The following DNAI3 variants were observed in gnomAD, a reference collection of about 807,000 sequenced individuals.
The protein encoded by DNAI3 is WD repeat domain 63.
In DNAI3, 83 loss-of-function variants were observed where a neutral mutation model predicts 115.5. The ratio of observed to expected loss-of-function variants is 0.72; its 90% CI spans 0.60 to 0.86. The LOEUF is 0.86. DNAI3 is among the 40% of genes least tolerant of loss of function. The pLI is 0.00. For missense variants in DNAI3, 1,004 were observed against 1,075.8 expected (o/e 0.93, Z 0.93); for synonymous variants, 320 against 347.0 (o/e 0.92, Z 0.86).
chr1:85,132,213 G>A (rs758577383), intron 22 of DNAI3, among the ~76,000 whole-genome samples: 1 of 152,214 alleles, frequency 6.6e-6, no homozygotes, highest in African/African-American at 2.4e-5. Flanking sequence ...AATATTTACA[G>A]CACTTAGCCA....
chr1:85,093,489 A>G lies in DNAI3; in HGVS notation c.889A>G (p.Met297Val), dbSNP rs1232455180. Residue 297 changes from methionine (M) to valine (V), a missense_variant, in exon 9 of 23, where the codon ATG becomes GTG. Met to Val is a conservative substitution (Grantham distance 21). Around this residue, in one of 3 missense-constraint regions of DNAI3, gnomAD observed 550 missense variants for 568.1 expected, o/e 0.97. Transcript: ENST00000294664. ...AATAGCCCTGCAGCAAAATGAAATC[A>G]TGAACACATTTATTGATGACTGGAA... is the stretch of plus-strand genomic sequence containing the variant. ...VEIALQQNEI[M>V]NTFIDDWKYL... 1 of 1,614,054 alleles carries G rather than the reference A, an allele frequency of 6.2e-7. No individual in the cohort carries two copies. Among genetic ancestry groups the G allele is most frequent in the Non-Finnish European group, 8.5e-7 (1 of 1,180,040 alleles).
intron 14 of DNAI3, 74 bp downstream of exon 14, chr1:85,104,671 T>G (rs1358223158): frequency 1.7e-6 from 2 of 1,164,316 alleles, no homozygotes; most frequent in Non-Finnish European, 2.6e-6. Flanking sequence ...CTAAAATCAG[T>G]GTCTTCTTCT....
At chr1:85,080,025 GTTTCTTTTCTTTTTCTT>G (rs1654581519) in intron 3 of DNAI3, among the ~76,000 whole-genome samples, 1 of 147,830 alleles carries the variant, frequency 6.8e-6, no homozygotes, top group African/African-American at 2.5e-5. Flanking sequence ...TCAAGGGAAA[GTTTCTTTTCTTTTTCTT>G]TTTCTTTTTT....
At chr1:85,066,216 C>T (rs1006144164) in intron 1 of DNAI3, among the ~76,000 whole-genome samples, 8 of 151,278 alleles carry the variant, frequency 5.3e-5, no homozygotes, top group African/African-American at 1.9e-4. Flanking sequence ...TTTTGAAATA[C>T]ACTCAGCTCT....
intron 13 of DNAI3, 123 bp from the exon 14 acceptor site, chr1:85,104,401 G>T (rs1245955098): frequency 1.3e-6 from 1 of 745,590 alleles, no homozygotes; most frequent in Non-Finnish European, 2.2e-6. Flanking sequence ...GATTACAGGC[G>T]TGAGCCACTG....
At chr1:85,093,326 T>G (rs1339750110) in intron 8 of DNAI3, 132 bp from the exon 9 acceptor site, 4 of 876,610 alleles carry the variant, frequency 4.6e-6, no homozygotes, top group Non-Finnish European at 6.8e-6. Context: ...GGTTAATCAT[T>G]ATCACCAAAT....
intron 17 of DNAI3, among the ~76,000 whole-genome samples, chr1:85,119,524 C>G (rs1381728980): frequency 6.6e-6 from 1 of 152,166 alleles, no homozygotes; most frequent in African/African-American, 2.4e-5. Context: ...GATCTTAAAG[C>G]AGAAATTAAA....
intron 7 of DNAI3, among the ~76,000 whole-genome samples, chr1:85,086,357 C>T (rs1277273109): frequency 2.0e-5 from 3 of 152,208 alleles, no homozygotes; most frequent in African/African-American, 7.2e-5. Context: ...CTACCTAAGT[C>T]ATCATTCTTA....
intron 19 of DNAI3, among the ~76,000 whole-genome samples, chr1:85,126,137 A>G (rs932698059): frequency 4.6e-5 from 7 of 152,252 alleles, no homozygotes; most frequent in Non-Finnish European, 8.8e-5. Flanking sequence ...CAGATATCTG[A>G]TAGCAAAATA....
Position 85,130,059 on chromosome 1 carries a change from A to T in DNAI3, c.2479A>T (p.Ile827Phe). The change falls in exon 22 of 23, where the codon ATT becomes TTT. Residue 827 changes from isoleucine to phenylalanine, a missense_variant. Around this residue, in one of 3 missense-constraint regions of DNAI3, gnomAD observed 429 missense variants for 454.3 expected, o/e 0.94. Coordinates refer to ENST00000294664, the MANE Select transcript of DNAI3 (RefSeq NM_145172.5). ...GGAATACGTAGAACAGCGCAAAAAA[A>T]TTCGTGAGCAAGAAAAGAAAGAAAT... is the stretch of plus-strand genomic sequence containing the variant. Reference protein sequence around the residue: ...HLEYVEQRKKIREQEKKEMEL... With the variant: ...HLEYVEQRKKFREQEKKEMEL... The T allele has an allele frequency of 6.2e-7, 1 of 1,614,012 alleles. No homozygotes were observed. Among genetic ancestry groups the T allele is most frequent in the Non-Finnish European group, 8.5e-7 (1 of 1,179,918 alleles).
rs748101657 is a variant in DNAI3 at position 85,095,919 on chromosome 1, G to C, written c.1174-12G>C. 6.2e-7 allele frequency: 1 copy of C among 1,611,088 alleles called. No homozygotes were observed. The highest frequency in any genetic ancestry group is 2.2e-5 in the East Asian group (1 of 44,820). Reference sequence around the variant, plus strand: ...TTCTCATTCTTTCATGAATTTGCTGGGTTTACTTTAGTTAATGCTGGAGAG... The same window carrying C: ...TTCTCATTCTTTCATGAATTTGCTGCGTTTACTTTAGTTAATGCTGGAGAG... On this transcript the variant is annotated splice_polypyrimidine_tract_variant and intron_variant, in intron 10 of 22. Transcript: ENST00000294664.
At position 85,117,782 on chromosome 1, in the gene DNAI3, C is replaced by A; in HGVS notation, c.1840C>A (p.His614Asn). ...GAAGGCAGAAGAAATGAACCCGTAT[C>A]ATAATCTGGAAAGTGGGATGGCCAA... is the stretch of plus-strand genomic sequence containing the variant. ...TEKAEEMNPYHNLESGMANLL... is the reference protein window; with the variant it reads ...TEKAEEMNPYNNLESGMANLL... Residue 614 changes from histidine (H) to asparagine (N), a missense_variant, in exon 17 of 23, where the codon CAT becomes AAT. Transcript: ENST00000294664. 6.2e-7 allele frequency: 1 copy of A among 1,613,928 alleles called. No individual in the cohort carries two copies. Among genetic ancestry groups the A allele is most frequent in the Non-Finnish European group, 8.5e-7 (1 of 1,179,844 alleles).
intron 18 of DNAI3, 45 bp from the exon 19 acceptor site, chr1:85,124,076 A>G: frequency 6.2e-6 from 10 of 1,611,604 alleles, no homozygotes; most frequent in Non-Finnish European, 8.5e-6. Context: ...GCAGGAATGC[A>G]AACAGTGTTA....
chr1:85,077,595 A>G (rs1654498384), intron 3 of DNAI3, among the ~76,000 whole-genome samples: 1 of 152,220 alleles, frequency 6.6e-6, no homozygotes, highest in African/African-American at 2.4e-5. Context: ...AAAAGAGTAC[A>G]TTTATAAATA....
At chr1:85,131,950 T>C (rs949701352) in intron 22 of DNAI3, among the ~76,000 whole-genome samples, 5 of 152,216 alleles carry the variant, frequency 3.3e-5, no homozygotes, top group African/African-American at 7.2e-5. Flanking sequence ...TGTAACTTTA[T>C]TTCCATTTGA....
chr1:85,076,826 A>G (rs1654470097), intron 3 of DNAI3, among the ~76,000 whole-genome samples: 1 of 152,180 alleles, frequency 6.6e-6, no homozygotes, highest in Admixed American at 6.5e-5. Context: ...TTAGGGGGAC[A>G]TTATTCTGTT....
intron 6 of DNAI3, 48 bp downstream of exon 6, chr1:85,084,743 A>G (rs1654746456): frequency 7.4e-7 from 1 of 1,345,288 alleles, no homozygotes; most frequent in Non-Finnish European, 9.7e-7. Flanking sequence ...CTGTAGCTGA[A>G]CAACACTTAT....
chr1:85,127,796 AAC>A (rs1428249509), intron 20 of DNAI3, among the ~76,000 whole-genome samples: 3 of 152,144 alleles, frequency 2.0e-5, no homozygotes, highest in African/African-American at 7.2e-5. Flanking sequence ...AAAGGAAAAG[AAC>A]ACACACACAG....
chr1:85,077,181 C>T (rs1258116897), intron 3 of DNAI3, among the ~76,000 whole-genome samples: 2 of 152,108 alleles, frequency 1.3e-5, no homozygotes, highest in African/African-American at 4.8e-5. Context: ...TGATTTTCAT[C>T]AAAGATGCAA....
Sources: gnomAD v4.1 joint callset for allele counts (sites outside exome capture counted in the v4.1 genomes callset) on GRCh38, gnomAD v4.1.1 for gene constraint, gnomAD v4.1.1 regional missense constraint, MANE v1.5 for transcripts, NCBI Gene and HGNC (gene_info 2026-07-23, HGNC 2026-07-21) for gene names.